Variants in TBCE observed in about 807,000 individuals in gnomAD.
TBCE encodes the protein tubulin folding cofactor E, also known as tubulin-specific chaperone E.
TBCE carries 53 observed loss-of-function variants against 77.0 expected under a neutral mutation model. The observed-to-expected ratio is 0.69, with a 90% CI of 0.55 to 0.87. The LOEUF is 0.87. Among genes scored for constraint, TBCE ranks in the 40% least tolerant of loss-of-function variants. TBCE has a pLI of 0.00. For synonymous variants in TBCE, 235 were observed against 241.3 expected, an observed-to-expected ratio of 0.97 and a Z score of 0.24; for missense variants, 624 against 622.4, an observed-to-expected ratio of 1.00 and a Z score of -0.03.
intron 5 of TBCE, among the ~76,000 whole-genome samples, chr1:235,426,133 G>A (rs74151503): frequency 0.022 from 3,376 of 152,210 alleles, 136 homozygotes; most frequent in African/African-American, 0.077. Flanking sequence ...TAGCTGGCCC[G>A]GTCCTGCTGC....
At position 235,367,464 on chromosome 1, in the gene TBCE, G is replaced by C. The variant is rs1676615776; in HGVS notation, c.-72G>C. 1 of 152,884 alleles carries C rather than the reference G, an allele frequency of 6.5e-6. No individual in the cohort carries two copies. Among genetic ancestry groups the C allele is most frequent in the African/African-American group, 2.4e-5 (1 of 41,484 alleles). 9.5% of individuals were successfully genotyped at this position (152,884 alleles called of 1,614,324 possible). A position where few individuals can be genotyped will look rare whatever the true frequency, so the allele number is the denominator to read the frequency against. ...AGCTTCGCTGCTGGGCAGTTGGCTG[G>C]AGGGGCTGCTGCTGGGAACACCTGG... On this transcript the variant is annotated 5_prime_UTR_variant, in exon 1 of 17. Coordinates refer to ENST00000642610, the MANE Select transcript of TBCE (RefSeq NM_003193.5).
chr1:235,440,028 T>TGTG (rs1297226183), intron 13 of TBCE, among the ~76,000 whole-genome samples: 1 of 152,092 alleles, frequency 6.6e-6, no homozygotes, highest in Non-Finnish European at 1.5e-5. Context: ...TGGAGTGCAG[T>TGTG]GCCGCGATCT....
At chr1:235,438,978 T>G in intron 13 of TBCE, 56 bp downstream of exon 13, 1 of 1,612,736 alleles carries the variant, frequency 6.2e-7, no homozygotes, top group Admixed American at 1.7e-5. Flanking sequence ...TGGAACAAAG[T>G]TTTTTCTTGG....
At chr1:235,420,915 A>C (rs2102894655) in intron 5 of TBCE, among the ~76,000 whole-genome samples, 1 of 152,294 alleles carries the variant, frequency 6.6e-6, no homozygotes, top group South Asian at 2.1e-4. Context: ...TGTGAGCCAC[A>C]TACCTGGCCT....
At chr1:235,445,684 T>G (rs1682212970) in intron 15 of TBCE, among the ~76,000 whole-genome samples, 1 of 152,018 alleles carries the variant, frequency 6.6e-6, no homozygotes, top group Non-Finnish European at 1.5e-5. Context: ...TTTTTATCCA[T>G]TAGATTAGCA....
At chr1:235,415,803 TATTGTTGAGA>T (rs1466401698) in intron 4 of TBCE, 2 of 152,162 alleles carry the variant, frequency 1.3e-5, no homozygotes, top group Non-Finnish European at 2.9e-5. Context: ...AAGATACCTT[TATTGTTGAGA>T]ATTTAGAAAT....
intron 1 of TBCE, among the ~76,000 whole-genome samples, chr1:235,377,816 C>G (rs1677390354): frequency 6.6e-6 from 1 of 151,988 alleles, no homozygotes; most frequent in African/African-American, 2.4e-5. Flanking sequence ...CCACGCCTGG[C>G]TAGTTTTTGT....
chr1:235,413,363 TAA>T (rs869060658), intron 3 of TBCE, among the ~76,000 whole-genome samples: 25 of 138,324 alleles, frequency 1.8e-4, no homozygotes, highest in Non-Finnish European at 2.2e-4. Context: ...CCCCTTTCTT[TAA>T]AAAAAAAAAA....
At chr1:235,435,918 T>A in intron 9 of TBCE, 78 bp downstream of exon 9, 4 of 1,215,324 alleles carry the variant, frequency 3.3e-6, no homozygotes, top group Non-Finnish European at 4.9e-6. Flanking sequence ...CTATGTATGC[T>A]TTCTCAATAG....
At chr1:235,380,298 C>T (rs546482053) in intron 2 of TBCE, 149 bp downstream of exon 2, 4 of 687,764 alleles carry the variant, frequency 5.8e-6, no homozygotes, top group South Asian at 5.0e-5. Flanking sequence ...TTTATAGGTG[C>T]CTCCTGTATC....
intron 2 of TBCE, among the ~76,000 whole-genome samples, chr1:235,401,033 C>G (rs918693264): frequency 1.3e-5 from 2 of 150,960 alleles, no homozygotes; most frequent in African/African-American, 4.9e-5. Flanking sequence ...TTTATTGTAG[C>G]CACATACATA....
intron 7 of TBCE, among the ~76,000 whole-genome samples, chr1:235,431,258 G>A (rs1681067787): frequency 6.6e-6 from 1 of 152,148 alleles, no homozygotes; most frequent in Non-Finnish European, 1.5e-5. Flanking sequence ...GGGCTCAAAA[G>A]TAGACTTGTG....
chr1:235,382,091 T>C (rs1677704887), intron 2 of TBCE, among the ~76,000 whole-genome samples: 1 of 151,214 alleles, frequency 6.6e-6, no homozygotes, highest in South Asian at 2.1e-4. Flanking sequence ...TGTGATAGTT[T>C]ACTGAGAATG....
intron 15 of TBCE, among the ~76,000 whole-genome samples, chr1:235,447,317 A>C (rs370626403): frequency 6.6e-6 from 1 of 152,246 alleles, no homozygotes; most frequent in African/African-American, 2.4e-5. Context: ...ATACACTGTG[A>C]TATTTGTAGG....
intron 9 of TBCE, 142 bp from the exon 10 acceptor site, chr1:235,436,244 G>GT: frequency 1.3e-6 from 1 of 744,976 alleles, no homozygotes; most frequent in Non-Finnish European, 2.3e-6. Flanking sequence ...CATGTCCTAA[G>GT]TTGGACTTTA....
At chr1:235,436,252 T>G (rs769258413) in intron 9 of TBCE, 134 bp from the exon 10 acceptor site, 6 of 782,892 alleles carry the variant, frequency 7.7e-6, no homozygotes, top group Non-Finnish European at 1.3e-5. Flanking sequence ...AAGTTGGACT[T>G]TATGGTTTCT....
At chr1:235,377,785 G>T (rs1294735121) in intron 1 of TBCE, among the ~76,000 whole-genome samples, 1 of 151,768 alleles carries the variant, frequency 6.6e-6, no homozygotes, top group Non-Finnish European at 1.5e-5. Context: ...CTGAGTAGCT[G>T]GGATTACAGG....
chr1:235,436,986 G>A (rs1011576592), intron 11 of TBCE, among the ~76,000 whole-genome samples: 6 of 151,982 alleles, frequency 3.9e-5, no homozygotes, highest in Non-Finnish European at 8.8e-5. Context: ...AAAATTAACC[G>A]GGCGTGGTGG....
At position 235,391,600 on chromosome 1, in the gene TBCE, C is replaced by CTTT. The variant is rs58265980; in HGVS notation, c.101-9881_101-9879dup. On this transcript the variant is annotated intron_variant, in intron 2 of 16. Transcript: ENST00000642610. ...TACCATACCATATTTGCTTCATTTCCTTTTTTTTTTTTTTTTTTTTTTTTG... is the reference window on the plus strand; with the variant it reads ...TACCATACCATATTTGCTTCATTTCCTTTTTTTTTTTTTTTTTTTTTTTTTTTG... 3.9e-3 allele frequency among the ~76,000 whole-genome samples: 329 copies of CTTT among 85,416 alleles called. 1 individual carries two copies. The highest frequency in any genetic ancestry group is 5.9e-3 in the African/African-American group (117 of 19,848). The allele number at this position is 85,416 out of a possible 152,430, so 56.0% of individuals were successfully genotyped here.
Sources: allele counts gnomAD v4.1 joint callset (sites outside exome capture counted in the v4.1 genomes callset), GRCh38; gene constraint gnomAD v4.1.1; transcripts MANE v1.5; gene names NCBI Gene and HGNC (gene_info 2026-07-23, HGNC 2026-07-21).